Variants in SLC6A19 observed in about 807,000 individuals in gnomAD.
SLC6A19 encodes the protein solute carrier family 6 member 19.
Under a neutral mutation model 68.3 loss-of-function variants are expected in SLC6A19, and 67 were observed. The ratio of observed to expected loss-of-function variants is 0.98; its 90% confidence interval spans 0.81 to 1.20. The LOEUF is 1.20. SLC6A19 is among the 50% of genes most tolerant of loss of function. The probability of loss-of-function intolerance (pLI) is 0.00; values close to 1 mark genes in which losing one functional copy is unlikely to be tolerated. For missense variants in SLC6A19, 813 were observed against 851.6 expected (o/e 0.95, Z 0.56); for synonymous variants, 392 against 374.9 (o/e 1.05, Z -0.53).
Position 1,216,623 on chromosome 5 carries a change from C to A in SLC6A19, c.953C>A (p.Ala318Asp). Residue 318 changes from alanine (A) to aspartate (D), a missense_variant, in exon 7 of 12, where the codon GCC becomes GAC. Transcript: ENST00000304460. ...AACGGCTTCACATCGGTGTATGTGGCCATCGTGGTCTACTCCGTCATTGGG... is the reference window on the plus strand; with the variant it reads ...AACGGCTTCACATCGGTGTATGTGGACATCGTGGTCTACTCCGTCATTGGG... ...IINGFTSVYV[A>D]IVVYSVIGFR... The A allele has an allele frequency of 6.2e-7, 1 of 1,614,086 alleles. No individual in the cohort carries two copies. The highest frequency in any genetic ancestry group is 8.5e-7 in the Non-Finnish European group (1 of 1,180,040).
At chr5:1,216,022 G>GCAT (rs964263455) in intron 6 of SLC6A19, among the ~76,000 whole-genome samples, 1 of 152,198 alleles carries the variant, frequency 6.6e-6, no homozygotes, top group African/African-American at 2.4e-5. Context: ...GATGGTGTCA[G>GCAT]CATCAACCGA....
Position 1,216,503 on chromosome 5 carries a change from G to C in SLC6A19, c.888-55G>C, listed in dbSNP as rs369935566. 58 of 1,612,600 alleles carry C rather than the reference G, an allele frequency of 3.6e-5. No individual in the cohort carries two copies. In the African/African-American group the frequency reaches 7.1e-4, roughly 20 times the overall value. On this transcript the variant is annotated intron_variant, in intron 6 of 11. Transcript: ENST00000304460. ...CGGGATGCGGATGCTGCCCTGGGCT[G>C]TGTCCTGACCTGGGACCTCATCGCC... is the stretch of plus-strand genomic sequence containing the variant.
At chr5:1,219,772 A>T in intron 10 of SLC6A19, 108 bp downstream of exon 10, 1 of 1,502,016 alleles carries the variant, frequency 6.7e-7, no homozygotes, top group Non-Finnish European at 9.1e-7. Context: ...GGGAGAGTCT[A>T]TGACTCGGGG....
At chr5:1,221,439 AC>A in intron 11 of SLC6A19, 126 bp downstream of exon 11, 1 of 1,257,676 alleles carries the variant, frequency 8.0e-7, no homozygotes, top group South Asian at 1.3e-5. Context: ...ACACACACTC[AC>A]ACTCAGGTGC....
chr5:1,217,558 T>A (rs910163698), intron 8 of SLC6A19, among the ~76,000 whole-genome samples: 7 of 152,142 alleles, frequency 4.6e-5, no homozygotes, highest in Non-Finnish European at 8.8e-5. Context: ...GCTTCTCCAG[T>A]GGCCACTGGG....
rs749905042 is a variant in SLC6A19 at position 1,221,761 on chromosome 5, A to G, written c.1762A>G (p.Ile588Val). Residue 588 changes from isoleucine (I) to valine (V), a missense_variant, in exon 12 of 12, where the codon ATT becomes GTT. By Grantham distance (29) the Ile-to-Val change is conservative. Coordinates refer to ENST00000304460, the MANE Select transcript of SLC6A19 (RefSeq NM_001003841.3). Reference protein sequence around the residue: ...YPNWVYVVVVIVAGVPSLTIP... With the variant: ...YPNWVYVVVVVVAGVPSLTIP... The stretch of plus-strand genomic sequence containing the variant: ...GAACTGGGTGTATGTGGTGGTGGTG[A>G]TTGTGGCTGGAGTGCCCTCCCTCAC... 1 of 1,613,962 alleles carries G rather than the reference A, an allele frequency of 6.2e-7. No individual in the cohort carries two copies. The highest frequency in any genetic ancestry group is 8.5e-7 in the Non-Finnish European group (1 of 1,179,968).
At position 1,208,852 on chromosome 5, in the gene SLC6A19, G is replaced by C. The variant is rs982400558; in HGVS notation, c.309G>C (p.Val103=). 3 of 1,612,782 alleles carry C rather than the reference G, an allele frequency of 1.9e-6. No homozygotes were observed. The African/African-American group carries it at 4.0e-5, about 21-fold the overall frequency. Residue 103 remains valine, a synonymous_variant, in exon 2 of 12, where the codon GTG becomes GTC. Coordinates refer to ENST00000304460, the MANE Select transcript of SLC6A19 (RefSeq NM_001003841.3). ...GGCTGCGGCGGGGCAGCCTGGGTGTGTGGAGCTCCATCCACCCGGCCCTGA... is the reference window on the plus strand; with the variant it reads ...GGCTGCGGCGGGGCAGCCTGGGTGTCTGGAGCTCCATCCACCCGGCCCTGA... ...GQRLRRGSLG[V]WSSIHPALKG...
In SLC6A19 at chr5:1,215,899, G is replaced by C. The variant is rs1425310842; in HGVS notation, c.888-659G>C. ...CGTATCCTCACCAACACTTGTTATT[G>C]TCTGACTTTTGTTTCTGGCCATCCC... On this transcript the variant is annotated intron_variant, in intron 6 of 11. Coordinates refer to ENST00000304460, the MANE Select transcript of SLC6A19 (RefSeq NM_001003841.3). This position sits in a 1 kb window ranked among gnomAD's most constrained non-coding sequence, Gnocchi z 5.1. 6.6e-6 allele frequency among the ~76,000 whole-genome samples: 1 copy of C among 152,186 alleles called. No individual in the cohort carries two copies. Among genetic ancestry groups the C allele is most frequent in the Non-Finnish European group, 1.5e-5 (1 of 68,032 alleles).
chr5:1,212,506 G>C lies in SLC6A19; in HGVS notation c.663+22G>C, dbSNP rs1271062590. The C allele has an allele frequency of 6.2e-7, 1 of 1,603,130 alleles. No homozygotes were observed. ...GAAGGTACTGCATGGGCCCGGCCAG[G>C]CTGCAGGTGCTCCAGAGGGCGGGTG... On this transcript the variant is annotated intron_variant, in intron 4 of 11. Transcript: ENST00000304460. The surrounding 1 kb of genome is among the most constrained non-coding windows in gnomAD (Gnocchi z 5.1).
intron 5 of SLC6A19, 107 bp from the exon 6 acceptor site, chr5:1,213,846 A>T (rs1746124230): frequency 1.9e-6 from 3 of 1,567,772 alleles, no homozygotes; most frequent in African/African-American, 2.7e-5. Context: ...GCCTGTCCTG[A>T]CCACCCCAAT....
intron 1 of SLC6A19, among the ~76,000 whole-genome samples, chr5:1,203,260 A>G (rs951592561): frequency 1.3e-5 from 2 of 152,316 alleles, no homozygotes; most frequent in East Asian, 1.9e-4. Context: ...GGGCTTGGGC[A>G]GGAATCTGAT....
At chr5:1,203,161 A>G (rs1272808203) in intron 1 of SLC6A19, among the ~76,000 whole-genome samples, 3 of 152,090 alleles carry the variant, frequency 2.0e-5, no homozygotes, top group African/African-American at 4.8e-5. Context: ...GGGCAGACAC[A>G]TGCCTCCTGG....
Position 1,207,580 on chromosome 5 carries a change from G to A in SLC6A19, c.203-1166G>A, listed in dbSNP as rs183668954. Among the ~76,000 whole-genome samples, 68 of 152,340 alleles carry A rather than the reference G, an allele frequency of 4.5e-4. 1 individual carries two copies. In the East Asian group the frequency reaches 0.013, roughly 28 times the overall value. On this transcript the variant is annotated intron_variant, in intron 1 of 11. Transcript: ENST00000304460. ...GATTTTTCCTGAATCTCTTCTCCCG[G>A]TCCCAGGCTGATTCTGAGCCTCTGC...
chr5:1,216,346 G>A (rs1014878442), intron 6 of SLC6A19, among the ~76,000 whole-genome samples: 2 of 152,208 alleles, frequency 1.3e-5, no homozygotes, highest in African/African-American at 2.4e-5. Context: ...GGCCAGGTGA[G>A]CAGGGGACCA....
Position 1,219,081 on chromosome 5 carries a change from C to T in SLC6A19, c.1352C>T (p.Pro451Leu), listed in dbSNP as rs1344159365. ...VPLQDLRVIP[P>L]KWPKEVLTGL... ...CTGCAGGACCTCAGAGTCATCCCCC[C>T]GAAGTGGCCCAAGGAGGTGCTCACA... The change falls in exon 9 of 12, where the codon CCG becomes CTG. Residue 451 changes from proline to leucine, a missense_variant. By Grantham distance (98) the Pro-to-Leu change is moderately conservative (BLOSUM62 -3). Coordinates refer to ENST00000304460, the MANE Select transcript of SLC6A19 (RefSeq NM_001003841.3). 1.1e-5 allele frequency: 17 copies of T among 1,613,602 alleles called. No homozygotes were observed. Among genetic ancestry groups the T allele is most frequent in the Middle Eastern group, 3.3e-4 (2 of 6,084 alleles).
intron 2 of SLC6A19, 63 bp downstream of exon 2, chr5:1,208,949 C>T: frequency 6.4e-7 from 1 of 1,557,556 alleles, no homozygotes; most frequent in Non-Finnish European, 8.7e-7. Context: ...AGCCGTTCCA[C>T]CCGGGCCCAG....
chr5:1,213,468 G>A lies in SLC6A19; in HGVS notation c.669G>A (p.Val223=), dbSNP rs1485035855. ...ACATGTCCCGCCCTCCGCAGGCCGT[G>A]TACATCACCTCCACGCTGCCCTATG... ...IRGIETTGKA[V]YITSTLPYVV... Residue 223 remains valine, a synonymous_variant, in exon 5 of 12, where the codon GTG becomes GTA. Transcript: ENST00000304460. 5 of 1,600,238 alleles carry A rather than the reference G, an allele frequency of 3.1e-6. No individual in the cohort carries two copies. The highest frequency in any genetic ancestry group is 1.4e-5 in the African/African-American group (1 of 69,986).
intron 1 of SLC6A19, among the ~76,000 whole-genome samples, chr5:1,207,413 C>T (rs1164598907): frequency 2.0e-5 from 3 of 152,196 alleles, no homozygotes; most frequent in Non-Finnish European, 4.4e-5. Flanking sequence ...TTCATGGGCG[C>T]GGCCAGGCCC....
chr5:1,214,500 A>T lies in SLC6A19; in HGVS notation c.887+435A>T, dbSNP rs897656488. Among the ~76,000 whole-genome samples, 1 of 152,190 alleles carries T rather than the reference A, an allele frequency of 6.6e-6. No homozygotes were observed. Among genetic ancestry groups the T allele is most frequent in the South Asian group, 2.1e-4 (1 of 4,810 alleles). The stretch of plus-strand genomic sequence containing the variant: ...CCCCACGTACCCACTGCGCTTCCCA[A>T]TGCCCCTGGGAAGGATGCATACCCT... On this transcript the variant is annotated intron_variant, in intron 6 of 11. Transcript: ENST00000304460. This position sits in a 1 kb window ranked among gnomAD's most constrained non-coding sequence, Gnocchi z 7.4.
Sources: allele counts gnomAD v4.1 joint callset (sites outside exome capture counted in the v4.1 genomes callset), GRCh38; gene constraint gnomAD v4.1.1; non-coding constraint Gnocchi (gnomAD v3.1); transcripts MANE v1.5; gene names NCBI Gene and HGNC (gene_info 2026-07-23, HGNC 2026-07-21).